GPSM3: variants seen among roughly 807,000 people sequenced by gnomAD.
The protein encoded by GPSM3 is G protein signaling modulator 3, also known as G protein-signaling modulator 3.
A neutral mutation model predicts 20.4 loss-of-function variants in GPSM3; 16 were observed. The ratio of observed to expected loss-of-function variants is 0.78; its 90% CI spans 0.53 to 1.19. The LOEUF is 1.19. GPSM3 is among the 50% of genes most tolerant of loss of function. The pLI, the probability that GPSM3 is intolerant of heterozygous loss-of-function variation, is 0.00. For synonymous variants in GPSM3, 70 were observed against 79.6 expected, an observed-to-expected ratio of 0.88 and a Z score of 0.64; for missense variants, 177 against 204.6, an observed-to-expected ratio of 0.86 and a Z score of 0.82.
At position 32,192,521 on chromosome 6, in the gene GPSM3, A is replaced by C. The variant is rs1419349245; in HGVS notation, c.-8T>G. The C allele has an allele frequency of 6.6e-7, 1 of 1,507,230 alleles. No homozygotes were observed. The highest frequency in any genetic ancestry group is 2.6e-5 in the East Asian group (1 of 38,658). 93.4% of individuals were successfully genotyped at this position (1,507,230 alleles called of 1,614,324 possible). A position where few individuals can be genotyped will look rare whatever the true frequency, so the allele number is the denominator to read the frequency against. ...GGGTCTCTCAGCCTCCATCCCCTAG[A>C]GGGGAGAAACTGGTGGGGGAGGGGT... On this transcript the variant is annotated 5_prime_UTR_variant, in exon 1 of 4. Coordinates refer to ENST00000375040, the MANE Select transcript of GPSM3 (RefSeq NM_001276501.2). The surrounding 1 kb of genome is among the most constrained non-coding windows in gnomAD (Gnocchi z 5.1).
At position 32,192,424 on chromosome 6, in the gene GPSM3, C is replaced by T. The variant is rs1787598144; in HGVS notation, c.42+48G>A. On this transcript the variant is annotated intron_variant, in intron 1 of 3. Coordinates refer to ENST00000375040, the MANE Select transcript of GPSM3 (RefSeq NM_001276501.2). This position sits in a 1 kb window ranked among gnomAD's most constrained non-coding sequence, Gnocchi z 5.1. ...ACATTTCTGCCCCAGGTCCTCTCAC[C>T]TCCCTTCTTTCCCAGTGTCAGCCTC... 6.4e-7 allele frequency: 1 copy of T among 1,558,042 alleles called. No homozygotes were observed. The highest frequency in any genetic ancestry group is 1.9e-5 in the Admixed American group (1 of 52,836).
chr6:32,193,558 G>C (rs532761903), upstream of GPSM3, among the ~76,000 whole-genome samples: 1 of 152,286 alleles, frequency 6.6e-6, no homozygotes, highest in East Asian at 1.9e-4. This position sits in a 1 kb window ranked among gnomAD's most constrained non-coding sequence, Gnocchi z 4.7. Flanking sequence ...GTACCAAATA[G>C]AGTACGGGAA....
chr6:32,191,452 G>GC lies in GPSM3; in HGVS notation c.396dup (p.Gln133AlafsTer84). On this transcript the variant is annotated frameshift_variant, in exon 4 of 4. Transcript: ENST00000375040. LOFTEE classifies it high-confidence loss of function. The surrounding 1 kb of genome is among the most constrained non-coding windows in gnomAD (Gnocchi z 5.9). Reference sequence around the variant, plus strand: ...CTCAGCAGCAACTCCAGGAGCTCTTGCCCCCCTGGAGGGAGGGGAGGCTCT... The same window carrying GC: ...CTCAGCAGCAACTCCAGGAGCTCTTGCCCCCCCTGGAGGGAGGGGAGGCTCT... 1.9e-6 allele frequency: 3 copies of GC among 1,590,656 alleles called. No homozygotes were observed. Among genetic ancestry groups the GC allele is most frequent in the East Asian group, 2.3e-5 (1 of 44,054 alleles).
upstream of GPSM3, chr6:32,195,375 G>A (rs1270969092): frequency 2.7e-6 from 4 of 1,471,852 alleles, no homozygotes; most frequent in Non-Finnish European, 2.7e-6. This position sits in a 1 kb window ranked among gnomAD's most constrained non-coding sequence, Gnocchi z 5.4. Context: ...AACCAGGAAG[G>A]CCTTCCAGCC....
chr6:32,192,239 C>A lies in GPSM3; in HGVS notation c.54G>T (p.Gln18His). The A allele has an allele frequency of 6.6e-7, 1 of 1,518,362 alleles. No individual in the cohort carries two copies. Among genetic ancestry groups the A allele is most frequent in the Non-Finnish European group, 8.8e-7 (1 of 1,133,496 alleles). 94.1% of individuals were successfully genotyped at this position (1,518,362 alleles called of 1,614,324 possible). The change falls in exon 2 of 4, where the codon CAG becomes CAT. Residue 18 changes from glutamine to histidine, a missense_variant. Physicochemically the swap from Gln to His is conservative, Grantham distance 24 (BLOSUM62 0). Coordinates refer to ENST00000375040, the MANE Select transcript of GPSM3 (RefSeq NM_001276501.2). The surrounding 1 kb of genome is among the most constrained non-coding windows in gnomAD (Gnocchi z 5.1). ...EEEDGEQGPP[Q>H]DEEGWPPPNS... ...TTGGAGGGGGCCAGCCTTCCTCATC[C>A]TGAGGGGGGCCCTGATGCCAAAATA...
rs1787568268 is a variant in GPSM3, at chr6:32,192,114, A to G, written c.145+34T>C. 1 of 1,470,232 alleles carries G rather than the reference A, an allele frequency of 6.8e-7. No homozygotes were observed. The highest frequency in any genetic ancestry group is 1.4e-5 in the African/African-American group (1 of 70,536). The allele number at this position is 1,470,232 out of a possible 1,614,324, so 91.1% of individuals were successfully genotyped here. A position where few individuals can be genotyped will look rare whatever the true frequency, so the allele number is the denominator to read the frequency against. On this transcript the variant is annotated intron_variant, in intron 2 of 3. Transcript: ENST00000375040. This position sits in a 1 kb window ranked among gnomAD's most constrained non-coding sequence, Gnocchi z 5.1. ...GTAATGGGGTCAGGATGTGGGCACTAGGGTCGGGGCTCTCCCTGGGTGGGT... is the reference window on the plus strand; with the variant it reads ...GTAATGGGGTCAGGATGTGGGCACTGGGGTCGGGGCTCTCCCTGGGTGGGT...
Position 32,192,305 on chromosome 6 carries a change from G to C in GPSM3, c.43-55C>G, listed in dbSNP as rs1333029826. 1.4e-6 allele frequency: 2 copies of C among 1,417,702 alleles called. No homozygotes were observed. The highest frequency in any genetic ancestry group is 2.6e-5 in the South Asian group (2 of 76,256). The allele number at this position is 1,417,702 out of a possible 1,614,324, so 87.8% of individuals were successfully genotyped here. A position where few individuals can be genotyped will look rare whatever the true frequency, so the allele number is the denominator to read the frequency against. On this transcript the variant is annotated intron_variant, in intron 1 of 3. Transcript: ENST00000375040. This position sits in a 1 kb window ranked among gnomAD's most constrained non-coding sequence, Gnocchi z 5.1. Reference sequence around the variant, plus strand: ...AGCAGTGGTGGTTGAAGCGGGAGGAGTGGACAGGGGGCTAGGCCAGTGGCC... The same window carrying C: ...AGCAGTGGTGGTTGAAGCGGGAGGACTGGACAGGGGGCTAGGCCAGTGGCC...
rs1423144772 is a variant in GPSM3 at position 32,191,292 on chromosome 6, AAG to A, written c.*72_*73del. On this transcript the variant is annotated 3_prime_UTR_variant, in exon 4 of 4. Transcript: ENST00000375040. The surrounding 1 kb of genome is among the most constrained non-coding windows in gnomAD (Gnocchi z 5.9). ...TCAGTCTCTGGTACCCCTGCCAAGC[AAG>A]AGTTGAGGGCATGCAATGGGCTGCC... 5.3e-6 allele frequency: 8 copies of A among 1,502,204 alleles called. No homozygotes were observed. Among genetic ancestry groups the A allele is most frequent in the African/African-American group, 1.4e-5 (1 of 69,014 alleles). The allele number at this position is 1,502,204 out of a possible 1,614,324, so 93.1% of individuals were successfully genotyped here.
At position 32,191,282 on chromosome 6, in the gene GPSM3, C is replaced by T. The variant is rs1191815970; in HGVS notation, c.*84G>A. ...GCCGTGTCTTTCAGTCTCTGGTACCCCTGCCAAGCAAGAGTTGAGGGCATG... is the reference window on the plus strand; with the variant it reads ...GCCGTGTCTTTCAGTCTCTGGTACCTCTGCCAAGCAAGAGTTGAGGGCATG... On this transcript the variant is annotated 3_prime_UTR_variant, in exon 4 of 4. Coordinates refer to ENST00000375040, the MANE Select transcript of GPSM3 (RefSeq NM_001276501.2). The surrounding 1 kb of genome is among the most constrained non-coding windows in gnomAD (Gnocchi z 5.9). 12 of 1,466,126 alleles carry T rather than the reference C, an allele frequency of 8.2e-6. No individual in the cohort carries two copies. The African/African-American group carries it at 1.5e-4, about 18-fold the overall frequency. 90.8% of individuals were successfully genotyped at this position (1,466,126 alleles called of 1,614,324 possible).
At position 32,191,221 on chromosome 6, in the gene GPSM3, G is replaced by T; in HGVS notation, c.*145C>A. ...GGACTTTCACCCTGTCCAGTTCCCA[G>T]GGAAGGTGATGTGGGAGATGAATAT... On this transcript the variant is annotated 3_prime_UTR_variant, in exon 4 of 4. Transcript: ENST00000375040. The surrounding 1 kb of genome is among the most constrained non-coding windows in gnomAD (Gnocchi z 5.9). The T allele has an allele frequency of 2.0e-6, 2 of 1,011,600 alleles. No homozygotes were observed. The highest frequency in any genetic ancestry group is 2.8e-6 in the Non-Finnish European group (2 of 712,362). The allele number at this position is 1,011,600 out of a possible 1,614,324, so 62.7% of individuals were successfully genotyped here. A position where few individuals can be genotyped will look rare whatever the true frequency, so the allele number is the denominator to read the frequency against.
At chr6:32,194,400 C>T (rs1787724673), upstream of GPSM3, 1 of 152,120 alleles carries the variant, frequency 6.6e-6, no homozygotes, top group African/African-American at 2.4e-5. The surrounding 1 kb of genome is among the most constrained non-coding windows in gnomAD (Gnocchi z 4.5). Context: ...ACTGTTCCAC[C>T]CCAGATCATT....
At chr6:32,192,671 C>T (rs116067394), upstream of GPSM3, 30 of 481,960 alleles carry the variant, frequency 6.2e-5, no homozygotes, top group East Asian at 3.3e-4. This position sits in a 1 kb window ranked among gnomAD's most constrained non-coding sequence, Gnocchi z 5.1. Flanking sequence ...CCTGGTCAGC[C>T]CCCCCACGGG....
chr6:32,191,355 G>A lies in GPSM3; in HGVS notation c.*11C>T. 1 of 1,574,290 alleles carries A rather than the reference G, an allele frequency of 6.4e-7. No individual in the cohort carries two copies. ...ACCAGTGGCAAGGAAGGGCTGGTTG[G>A]GGCTCAAGTCTCAGCAGGTGTGTGT... On this transcript the variant is annotated 3_prime_UTR_variant, in exon 4 of 4. Coordinates refer to ENST00000375040, the MANE Select transcript of GPSM3 (RefSeq NM_001276501.2). The surrounding 1 kb of genome is among the most constrained non-coding windows in gnomAD (Gnocchi z 5.9).
chr6:32,195,128 C>T (rs773129643), upstream of GPSM3: 13 of 410,586 alleles, frequency 3.2e-5, no homozygotes, highest in Non-Finnish European at 5.2e-5. This position sits in a 1 kb window ranked among gnomAD's most constrained non-coding sequence, Gnocchi z 5.4. Flanking sequence ...GAACATCTTA[C>T]ATCCCATATG....
chr6:32,194,917 G>A (rs72846305), upstream of GPSM3: 443 of 234,602 alleles, frequency 1.9e-3, 1 homozygote, highest in Non-Finnish European at 2.8e-3. The surrounding 1 kb of genome is among the most constrained non-coding windows in gnomAD (Gnocchi z 4.5). Context: ...GCTAGAAGAA[G>A]CGCTTCATCC....
chr6:32,191,209 G>T lies in GPSM3; in HGVS notation c.*157C>A. On this transcript the variant is annotated 3_prime_UTR_variant, in exon 4 of 4. Coordinates refer to ENST00000375040, the MANE Select transcript of GPSM3 (RefSeq NM_001276501.2). The surrounding 1 kb of genome is among the most constrained non-coding windows in gnomAD (Gnocchi z 5.9). The stretch of plus-strand genomic sequence containing the variant: ...CCCAGAGTTTGAGGACTTTCACCCT[G>T]TCCAGTTCCCAGGGAAGGTGATGTG... The T allele has an allele frequency of 2.2e-6, 2 of 913,144 alleles. No homozygotes were observed. Among genetic ancestry groups the T allele is most frequent in the Non-Finnish European group, 3.2e-6 (2 of 626,270 alleles). 56.6% of individuals were successfully genotyped at this position (913,144 alleles called of 1,614,324 possible). A position where few individuals can be genotyped will look rare whatever the true frequency, so the allele number is the denominator to read the frequency against.
chr6:32,192,835 A>C, upstream of GPSM3: 1 of 333,216 alleles, frequency 3.0e-6, no homozygotes, highest in Non-Finnish European at 5.5e-6. The surrounding 1 kb of genome is among the most constrained non-coding windows in gnomAD (Gnocchi z 5.1). Context: ...TGGCGGTCTC[A>C]TCTCCAGAGC....
rs1787483647 is a variant in GPSM3, at chr6:32,191,185, CCA to C, written c.*179_*180del. On this transcript the variant is annotated 3_prime_UTR_variant, in exon 4 of 4. Transcript: ENST00000375040. The surrounding 1 kb of genome is among the most constrained non-coding windows in gnomAD (Gnocchi z 5.9). ...AATCCCTGTTCCATCTCGCCTGTTC[CCA>C]GAGTTTGAGGACTTTCACCCTGTCC... 4.2e-6 allele frequency: 3 copies of C among 713,570 alleles called. No individual in the cohort carries two copies. Among genetic ancestry groups the C allele is most frequent in the Non-Finnish European group, 6.6e-6 (3 of 458,010 alleles). The allele number at this position is 713,570 out of a possible 1,614,324, so 44.2% of individuals were successfully genotyped here.
In GPSM3 at chr6:32,192,056, G is replaced by T; in HGVS notation, c.145+92C>A. On this transcript the variant is annotated intron_variant, in intron 2 of 3. Coordinates refer to ENST00000375040, the MANE Select transcript of GPSM3 (RefSeq NM_001276501.2). The surrounding 1 kb of genome is among the most constrained non-coding windows in gnomAD (Gnocchi z 5.1). Reference sequence around the variant, plus strand: ...GAATCCCAAGGGGAGTCTGGAGGAGGTGGGGAGAGGGCCCACAATGGAGTG... The same window carrying T: ...GAATCCCAAGGGGAGTCTGGAGGAGTTGGGGAGAGGGCCCACAATGGAGTG... 1 of 1,264,254 alleles carries T rather than the reference G, an allele frequency of 7.9e-7. No individual in the cohort carries two copies. The highest frequency in any genetic ancestry group is 1.1e-6 in the Non-Finnish European group (1 of 897,182). The allele number at this position is 1,264,254 out of a possible 1,614,324, so 78.3% of individuals were successfully genotyped here. A position where few individuals can be genotyped will look rare whatever the true frequency, so the allele number is the denominator to read the frequency against.
Sources: gnomAD v4.1 joint callset for allele counts (sites outside exome capture counted in the v4.1 genomes callset) on GRCh38, gnomAD v4.1.1 for gene constraint, Gnocchi (gnomAD v3.1) non-coding constraint, MANE v1.5 for transcripts, NCBI Gene and HGNC (gene_info 2026-07-23, HGNC 2026-07-21) for gene names.